TFEC: variants seen among roughly 807,000 people sequenced by gnomAD.
TFEC encodes the protein class E basic helix-loop-helix protein 34.
Under a neutral mutation model 41.6 loss-of-function variants are expected in TFEC, and 31 were observed. The ratio of observed to expected loss-of-function variants is 0.74; its 90% confidence interval spans 0.56 to 1.01. The LOEUF (loss-of-function observed/expected upper bound fraction) is 1.01, where lower values mean the gene tolerates loss of function less well. Among genes scored for constraint, TFEC ranks in the 50% least tolerant of loss-of-function variants. The probability of loss-of-function intolerance (pLI) is 0.00; values close to 1 mark genes in which losing one functional copy is unlikely to be tolerated. For synonymous variants in TFEC, 143 were observed against 140.6 expected (o/e 1.02, Z -0.12); for missense variants, 402 against 404.1 (o/e 0.99, Z 0.04).
intron 6 of TFEC, among the ~76,000 whole-genome samples, chr7:115,948,229 C>T (rs1458663066): frequency 1.3e-5 from 2 of 151,526 alleles, no homozygotes; most frequent in Non-Finnish European, 1.5e-5. Context: ...CAAAAAGAGT[C>T]CAGGACCAGA....
intron 1 of TFEC, among the ~76,000 whole-genome samples, chr7:116,155,970 T>A (rs1798862249): frequency 6.6e-6 from 1 of 152,216 alleles, no homozygotes; most frequent in African/African-American, 2.4e-5. Flanking sequence ...TTTTGATTTT[T>A]AAAAAATATT....
At chr7:115,996,592 A>T (rs1189847078) in intron 1 of TFEC, among the ~76,000 whole-genome samples, 2 of 151,918 alleles carry the variant, frequency 1.3e-5, no homozygotes, top group African/African-American at 2.4e-5. Flanking sequence ...CTTAAGTAAA[A>T]GCTAGCCACA....
At chr7:116,135,127 T>C (rs1798409601) in intron 1 of TFEC, among the ~76,000 whole-genome samples, 1 of 152,152 alleles carries the variant, frequency 6.6e-6, no homozygotes, top group Non-Finnish European at 1.5e-5. Flanking sequence ...TGATGCTAAA[T>C]GTTAATGAAC....
intron 1 of TFEC, among the ~76,000 whole-genome samples, chr7:116,022,802 A>G (rs1271853623): frequency 6.6e-6 from 1 of 152,214 alleles, no homozygotes; most frequent in Non-Finnish European, 1.5e-5. Flanking sequence ...TAAAAAGCAT[A>G]AAGGCTAAAG....
chr7:116,017,844 T>C (rs954414113), intron 1 of TFEC, among the ~76,000 whole-genome samples: 4 of 152,200 alleles, frequency 2.6e-5, no homozygotes, highest in Non-Finnish European at 5.9e-5. Context: ...TATTTTTGTT[T>C]CTGAACTCTC....
chr7:116,144,332 G>C (rs1363157502), intron 1 of TFEC, among the ~76,000 whole-genome samples: 1 of 152,162 alleles, frequency 6.6e-6, no homozygotes, highest in African/African-American at 2.4e-5. Flanking sequence ...TAACCCAAAG[G>C]TTACAGGTTT....
At chr7:116,157,733 C>A (rs949192445) in intron 1 of TFEC, among the ~76,000 whole-genome samples, 1 of 152,078 alleles carries the variant, frequency 6.6e-6, no homozygotes, top group Non-Finnish European at 1.5e-5. Flanking sequence ...TCCCTTAAAG[C>A]CTTCCCTAGG....
chr7:115,977,009 T>A (rs1793413223), intron 2 of TFEC, among the ~76,000 whole-genome samples: 1 of 152,168 alleles, frequency 6.6e-6, no homozygotes, highest in Non-Finnish European at 1.5e-5. Flanking sequence ...CTATCCCTCA[T>A]TTCTGTCATC....
chr7:116,145,415 G>C (rs1325936222), intron 1 of TFEC, among the ~76,000 whole-genome samples: 2 of 152,110 alleles, frequency 1.3e-5, no homozygotes, highest in Non-Finnish European at 2.9e-5. Context: ...AAAAATCACT[G>C]GGTCAGAAGG....
chr7:116,084,831 CTAAT>C (rs1797166766), intron 3 of TFEC, among the ~76,000 whole-genome samples: 1 of 151,754 alleles, frequency 6.6e-6, no homozygotes, highest in Non-Finnish European at 1.5e-5. Flanking sequence ...GAGGTAGGCA[CTAAT>C]TAATAACTAT....
chr7:115,945,613 T>C (rs147661502), intron 6 of TFEC, among the ~76,000 whole-genome samples: 243 of 151,902 alleles, frequency 1.6e-3, no homozygotes, highest in African/African-American at 5.6e-3. Flanking sequence ...TATAGACATA[T>C]TCAACATCTA....
chr7:116,102,195 AG>A (rs1797620224), intron 3 of TFEC, among the ~76,000 whole-genome samples: 1 of 152,186 alleles, frequency 6.6e-6, no homozygotes, highest in African/African-American at 2.4e-5. Context: ...AAATTGCCTA[AG>A]GATCAACCAT....
chr7:116,048,302 G>A (rs183176137), intron 3 of TFEC, among the ~76,000 whole-genome samples: 1 of 152,356 alleles, frequency 6.6e-6, no homozygotes, highest in East Asian at 1.9e-4. Context: ...TGAAGGAGCT[G>A]AAAACCATGG....
In TFEC at chr7:116,014,883, G is replaced by A. The variant is rs544677903; in HGVS notation, c.-73+15750C>T. 2.0e-5 allele frequency among the ~76,000 whole-genome samples: 3 copies of A among 152,068 alleles called. No individual in the cohort carries two copies. The South Asian group carries it at 6.2e-4, about 32-fold the overall frequency. ...TCAGTGTGGGCAGCCTCTAGATGCT[G>A]GAAAACGCAGGCAAGCACATATTTC... is the stretch of plus-strand genomic sequence containing the variant. On this transcript the variant is annotated intron_variant, in intron 1 of 7. Coordinates refer to ENST00000265440, the MANE Select transcript of TFEC (RefSeq NM_012252.4).
intron 3 of TFEC, among the ~76,000 whole-genome samples, chr7:116,089,719 A>AGG (rs1797281317): frequency 6.6e-6 from 1 of 152,162 alleles, no homozygotes; most frequent in African/African-American, 2.4e-5. Flanking sequence ...GAGGGTGCAA[A>AGG]AGACAAAGGA....
intron 1 of TFEC, among the ~76,000 whole-genome samples, chr7:115,992,015 C>T (rs1035273083): frequency 5.3e-5 from 8 of 152,152 alleles, no homozygotes; most frequent in Non-Finnish European, 7.3e-5. Flanking sequence ...TCTCTCAGAC[C>T]ACAGTGCAAT....
chr7:116,027,664 C>T (rs112882096), intron 1 of TFEC, among the ~76,000 whole-genome samples: 4 of 151,858 alleles, frequency 2.6e-5, no homozygotes, highest in Non-Finnish European at 5.9e-5. Flanking sequence ...GGAAGCTGAG[C>T]ATTGGAAACA....
chr7:115,975,792 G>C (rs554017858), intron 2 of TFEC, among the ~76,000 whole-genome samples: 3 of 152,106 alleles, frequency 2.0e-5, no homozygotes, highest in Admixed American at 6.6e-5. Context: ...CATGGGAAAG[G>C]GTCATCCTTG....
At chr7:116,147,890 A>G (rs1376652280) in intron 1 of TFEC, among the ~76,000 whole-genome samples, 4 of 152,184 alleles carry the variant, frequency 2.6e-5, no homozygotes, top group Non-Finnish European at 4.4e-5. Context: ...AAAATAGACA[A>G]AAAATATTCC....
Sources: gnomAD v4.1 joint callset for allele counts (sites outside exome capture counted in the v4.1 genomes callset) on GRCh38, gnomAD v4.1.1 for gene constraint, MANE v1.5 for transcripts, NCBI Gene and HGNC (gene_info 2026-07-23, HGNC 2026-07-21) for gene names.